Variants in PPP3R1 observed in about 807,000 individuals in gnomAD.
PPP3R1 encodes calcineurin subunit B type 1.
Under a neutral mutation model 22.6 loss-of-function variants are expected in PPP3R1, and 5 were observed. The observed-to-expected ratio is 0.22, with a 90% CI of 0.12 to 0.46. PPP3R1 has a LOEUF of 0.46. Among genes scored for constraint, PPP3R1 ranks in the 20% least tolerant of loss-of-function variants. The probability of loss-of-function intolerance (pLI) is 0.99; values close to 1 mark genes in which losing one functional copy is unlikely to be tolerated. For synonymous variants in PPP3R1, 56 were observed against 65.2 expected (o/e 0.86, Z 0.68); for missense variants, 61 against 203.2 (o/e 0.30, Z 4.25).
intron 5 of PPP3R1, among the ~76,000 whole-genome samples, chr2:68,186,248 T>G (rs542927972): frequency 1.3e-5 from 2 of 152,314 alleles, no homozygotes; most frequent in Admixed American, 1.3e-4. Context: ...TATAACCTAG[T>G]TGTAATTTGA....
chr2:68,241,860 A>G (rs2103809360), intron 1 of PPP3R1, among the ~76,000 whole-genome samples: 1 of 152,090 alleles, frequency 6.6e-6, no homozygotes, highest in East Asian at 1.9e-4. Flanking sequence ...AAAAAAAAAA[A>G]AAGATTACTA....
intron 1 of PPP3R1, among the ~76,000 whole-genome samples, chr2:68,220,119 C>T (rs1380229462): frequency 6.6e-6 from 1 of 152,076 alleles, no homozygotes; most frequent in African/African-American, 2.4e-5. Context: ...AGGTAAAGCC[C>T]TTAGGATCTA....
At chr2:68,211,422 A>AAAAC (rs1669484275) in intron 2 of PPP3R1, among the ~76,000 whole-genome samples, 3 of 151,636 alleles carry the variant, frequency 2.0e-5, no homozygotes, top group African/African-American at 7.3e-5. Context: ...AAAAAAAAAA[A>AAAAC]AAACTCTATT....
intron 2 of PPP3R1, among the ~76,000 whole-genome samples, chr2:68,191,833 A>G (rs962095962): frequency 6.6e-6 from 1 of 152,208 alleles, no homozygotes; most frequent in Non-Finnish European, 1.5e-5. Context: ...CATAACTGCA[A>G]ACTGTTCAAA....
At position 68,252,459 on chromosome 2, in the gene PPP3R1, G is replaced by T. The variant is rs888677094; in HGVS notation, c.-332C>A. 1.0e-5 allele frequency: 10 copies of T among 989,316 alleles called. No homozygotes were observed. The highest frequency in any genetic ancestry group is 2.2e-4 in the East Asian group (2 of 8,978). The allele number at this position is 989,316 out of a possible 1,614,324, so 61.3% of individuals were successfully genotyped here. A position where few individuals can be genotyped will look rare whatever the true frequency, so the allele number is the denominator to read the frequency against. On this transcript the variant is annotated 5_prime_UTR_variant, in exon 1 of 6. Coordinates refer to ENST00000234310, the MANE Select transcript of PPP3R1 (RefSeq NM_000945.4). ...AAGACGGCCGGGAAACTCGGGGGCT[G>T]CAGCCTCGCGCTCGCGCCGGAGCCG...
At chr2:68,197,141 T>TA (rs1252497893) in intron 2 of PPP3R1, among the ~76,000 whole-genome samples, 1 of 152,190 alleles carries the variant, frequency 6.6e-6, no homozygotes, top group Non-Finnish European at 1.5e-5. Flanking sequence ...GAAGCATCAC[T>TA]ACCATCAAGA....
chr2:68,252,464 C>T lies in PPP3R1; in HGVS notation c.-337G>A, dbSNP rs1214691558. The T allele has an allele frequency of 2.0e-6, 2 of 988,866 alleles. No homozygotes were observed. Among genetic ancestry groups the T allele is most frequent in the East Asian group, 1.1e-4 (1 of 8,978 alleles). The allele number at this position is 988,866 out of a possible 1,614,324, so 61.3% of individuals were successfully genotyped here. A position where few individuals can be genotyped will look rare whatever the true frequency, so the allele number is the denominator to read the frequency against. On this transcript the variant is annotated 5_prime_UTR_variant, in exon 1 of 6. Coordinates refer to ENST00000234310, the MANE Select transcript of PPP3R1 (RefSeq NM_000945.4). ...GGCCGGGAAACTCGGGGGCTGCAGC[C>T]TCGCGCTCGCGCCGGAGCCGTGACG...
At chr2:68,217,737 A>C (rs1362051170) in intron 1 of PPP3R1, among the ~76,000 whole-genome samples, 6 of 152,150 alleles carry the variant, frequency 3.9e-5, no homozygotes, top group African/African-American at 1.4e-4. Context: ...TATTTCATGA[A>C]TAGACCCTAA....
chr2:68,252,072 C>A, intron 1 of PPP3R1, 53 bp downstream of exon 1: 1 of 1,379,406 alleles, frequency 7.2e-7, no homozygotes, highest in Non-Finnish European at 9.6e-7. Context: ...GCACCCGACC[C>A]GGACGGCGGC....
chr2:68,194,719 T>C (rs78797337), intron 2 of PPP3R1, among the ~76,000 whole-genome samples: 2,711 of 152,226 alleles, frequency 0.018, 87 homozygotes, highest in African/African-American at 0.061. Flanking sequence ...TGAACTGTTT[T>C]AGGTGATGCT....
intron 1 of PPP3R1, among the ~76,000 whole-genome samples, chr2:68,249,229 A>C (rs1445003925): frequency 6.6e-6 from 1 of 152,100 alleles, no homozygotes; most frequent in African/African-American, 2.4e-5. Context: ...CTCATTCACT[A>C]TGGGACAAAA....
intron 1 of PPP3R1, among the ~76,000 whole-genome samples, chr2:68,243,238 T>C (rs766641175): frequency 6.6e-6 from 1 of 152,228 alleles, no homozygotes; most frequent in Non-Finnish European, 1.5e-5. Flanking sequence ...AAATATTTCA[T>C]AGTACAAGAC....
intron 5 of PPP3R1, among the ~76,000 whole-genome samples, chr2:68,182,729 C>CA (rs148908840): frequency 0.015 from 1,585 of 104,554 alleles, 17 homozygotes; most frequent in African/African-American, 0.036. Flanking sequence ...CACTCCCTCT[C>CA]AAAAAAAAAA....
At chr2:68,224,169 G>A (rs548993875) in intron 1 of PPP3R1, among the ~76,000 whole-genome samples, 1 of 152,100 alleles carries the variant, frequency 6.6e-6, no homozygotes, top group Non-Finnish European at 1.5e-5. Context: ...AGATCAGAAG[G>A]CTCAATGTTG....
chr2:68,248,382 A>G (rs1182308192), intron 1 of PPP3R1, among the ~76,000 whole-genome samples: 1 of 152,146 alleles, frequency 6.6e-6, no homozygotes, highest in Non-Finnish European at 1.5e-5. Flanking sequence ...TATTTACCCT[A>G]CTTGATTAAT....
At chr2:68,216,974 C>T in intron 2 of PPP3R1, 118 bp downstream of exon 2, 8 of 709,320 alleles carry the variant, frequency 1.1e-5, no homozygotes, top group Non-Finnish European at 2.3e-6. Flanking sequence ...GCTCACATTG[C>T]TACAAAGGTA....
At chr2:68,218,101 T>C (rs1669613085) in intron 1 of PPP3R1, among the ~76,000 whole-genome samples, 1 of 152,206 alleles carries the variant, frequency 6.6e-6, no homozygotes, top group African/African-American at 2.4e-5. Context: ...AGTGGTAAAT[T>C]GAATACGAAG....
At chr2:68,220,998 T>G (rs1371877389) in intron 1 of PPP3R1, among the ~76,000 whole-genome samples, 1 of 152,000 alleles carries the variant, frequency 6.6e-6, no homozygotes, top group Non-Finnish European at 1.5e-5. Flanking sequence ...ACATTATAAA[T>G]GCCAGCCTGG....
At chr2:68,190,255 T>TAAAA (rs34117344) in intron 2 of PPP3R1, among the ~76,000 whole-genome samples, 1 of 25,118 alleles carries the variant, frequency 4.0e-5, no homozygotes, top group African/African-American at 1.3e-4. Flanking sequence ...AAGTTTCTCT[T>TAAAA]AAAAAAAAAA....
Sources: gnomAD v4.1 joint callset for allele counts (sites outside exome capture counted in the v4.1 genomes callset) on GRCh38, gnomAD v4.1.1 for gene constraint, MANE v1.5 for transcripts, NCBI Gene and HGNC (gene_info 2026-07-23, HGNC 2026-07-21) for gene names.